Variants in TENM2 observed in about 807,000 individuals in gnomAD.
The protein encoded by TENM2 is teneurin-2.
TENM2 carries 52 observed loss-of-function variants against 245.2 expected under a neutral mutation model. The ratio of observed to expected loss-of-function variants is 0.21; its 90% CI spans 0.17 to 0.27. The LOEUF (loss-of-function observed/expected upper bound fraction) is 0.27, where lower values mean the gene tolerates loss of function less well. Ranked by LOEUF, TENM2 falls within the 10% of genes least tolerant of loss-of-function variation. The probability of loss-of-function intolerance (pLI) is 1.00; values close to 1 mark genes in which losing one functional copy is unlikely to be tolerated. For synonymous variants in TENM2, 1,363 were observed against 1,438.9 expected (o/e 0.95, Z 1.19); for missense variants, 3,046 against 3,666.8 (o/e 0.83, Z 4.37).
At chr5:167,927,326 C>T (rs1490350250) in intron 3 of TENM2, among the ~76,000 whole-genome samples, 1 of 152,136 alleles carries the variant, frequency 6.6e-6, no homozygotes, top group Admixed American at 6.5e-5. Flanking sequence ...AAGGAGCCTT[C>T]TTCTTGAATG....
At chr5:167,662,145 A>T (rs1460206484) in intron 2 of TENM2, among the ~76,000 whole-genome samples, 1 of 152,200 alleles carries the variant, frequency 6.6e-6, no homozygotes, top group Non-Finnish European at 1.5e-5. Context: ...TGGCAGACAA[A>T]ATCAACAGGT....
the TENM2 span, among the ~76,000 whole-genome samples, chr5:167,222,166 AATTTAG>A: frequency 1.1e-4 from 16 of 152,288 alleles, no homozygotes; most frequent in Middle Eastern, 3.4e-3. Flanking sequence ...CACGTGCCTT[AATTTAG>A]ATTTGTATTT....
chr5:167,338,482 A>C (rs1395378749), intron 1 of TENM2, among the ~76,000 whole-genome samples: 1 of 152,216 alleles, frequency 6.6e-6, no homozygotes, highest in African/African-American at 2.4e-5. Context: ...ATTAAAATAG[A>C]ACGTGGGGAG....
intron 12 of TENM2, among the ~76,000 whole-genome samples, chr5:168,154,417 G>A (rs1756967416): frequency 6.6e-6 from 1 of 151,932 alleles, no homozygotes; most frequent in Non-Finnish European, 1.5e-5. Context: ...AAACAACGGG[G>A]TTTCACCACG....
chr5:167,559,984 C>T (rs1773483892), intron 2 of TENM2, among the ~76,000 whole-genome samples: 1 of 152,048 alleles, frequency 6.6e-6, no homozygotes, highest in African/African-American at 2.4e-5. Flanking sequence ...CCCCACCCCT[C>T]CTCTCACCCC....
intron 2 of TENM2, among the ~76,000 whole-genome samples, chr5:167,722,021 A>G (rs894580256): frequency 1.8e-4 from 27 of 152,184 alleles, no homozygotes; most frequent in Admixed American, 1.3e-4. Context: ...AACCTCCCAA[A>G]GATGCTGAGT....
rs114473659 is a variant in TENM2 at position 168,224,002 on chromosome 5, T to C, written c.5109-2086T>C. Among the ~76,000 whole-genome samples the C allele has an allele frequency of 5.7e-3, 863 of 152,072 alleles. 6 individuals are homozygous for C. Among genetic ancestry groups the C allele is most frequent in the African/African-American group, 0.02 (824 of 41,474 alleles). On this transcript the variant is annotated intron_variant, in intron 23 of 28. Coordinates refer to ENST00000518659, the Ensembl canonical transcript of TENM2. ...ACACGTGTAGATTTGTGTATGCCAA[T>C]AAATAGAAACCCATGTTGTCGATCC...
At chr5:167,750,184 C>T (rs1235358469) in intron 2 of TENM2, among the ~76,000 whole-genome samples, 5 of 152,072 alleles carry the variant, frequency 3.3e-5, no homozygotes, top group African/African-American at 4.8e-5. Context: ...GTGTAAAGCC[C>T]ACAGTAGAGG....
At chr5:167,478,797 T>C (rs1390832421) in intron 2 of TENM2, among the ~76,000 whole-genome samples, 1 of 152,194 alleles carries the variant, frequency 6.6e-6, no homozygotes, top group East Asian at 1.9e-4. Context: ...GACTTCTCGG[T>C]TTTGCATTTT....
chr5:167,973,850 G>A (rs1299261952), intron 4 of TENM2, among the ~76,000 whole-genome samples: 1 of 152,094 alleles, frequency 6.6e-6, no homozygotes, highest in Non-Finnish European at 1.5e-5. Flanking sequence ...TCTATTCAGT[G>A]TGGGATGGGG....
In TENM2 at chr5:167,524,849, A is replaced by G. The variant is rs184983596; in HGVS notation, c.502+149376A>G. ...CATAAGAATTTTTACACGCTCACAA[A>G]TGATGGGGTAAAAAGAAATGCCAGT... On this transcript the variant is annotated intron_variant, in intron 2 of 28. Coordinates refer to ENST00000518659, the Ensembl canonical transcript of TENM2. 2.6e-3 allele frequency among the ~76,000 whole-genome samples: 396 copies of G among 151,608 alleles called. 1 individual carries two copies. Among genetic ancestry groups the G allele is most frequent in the African/African-American group, 9.2e-3 (379 of 41,376 alleles).
chr5:168,021,103 G>C (rs1424952559), intron 5 of TENM2, among the ~76,000 whole-genome samples: 4 of 152,230 alleles, frequency 2.6e-5, no homozygotes, highest in Non-Finnish European at 4.4e-5. Flanking sequence ...GCACCTACTG[G>C]TAAGCCTTGG....
chr5:167,993,064 T>C, exon 5 of TENM2: 1 of 1,614,026 alleles, frequency 6.2e-7, no homozygotes, highest in South Asian at 1.1e-5. Flanking sequence ...CCAGGAATAC[T>C]TTCTCCAGGA....
intron 3 of TENM2, chr5:167,952,368 T>G: frequency 1.7e-6 from 1 of 590,810 alleles, no homozygotes. Flanking sequence ...TTTCTCATTA[T>G]TCTTCATTTG....
intron 4 of TENM2, among the ~76,000 whole-genome samples, chr5:167,985,970 A>G (rs1045799549): frequency 1.2e-4 from 18 of 152,252 alleles, no homozygotes; most frequent in African/African-American, 4.3e-4. Flanking sequence ...CTCCTTCTGT[A>G]TCATAAGAAT....
chr5:167,660,631 G>A (rs1239382273), intron 2 of TENM2: 1 of 151,850 alleles, frequency 6.6e-6, no homozygotes, highest in Non-Finnish European at 1.5e-5. Context: ...AAAAAAAAAT[G>A]TCTTTAGCTT....
At chr5:167,543,672 T>C (rs1181285242) in intron 2 of TENM2, among the ~76,000 whole-genome samples, 3 of 152,176 alleles carry the variant, frequency 2.0e-5, no homozygotes, top group Non-Finnish European at 2.9e-5. Context: ...AGGCTGGAAG[T>C]CCAAAATCAA....
chr5:167,963,155 T>C (rs1336019326), intron 4 of TENM2, among the ~76,000 whole-genome samples: 2 of 152,164 alleles, frequency 1.3e-5, no homozygotes, highest in African/African-American at 2.4e-5. Flanking sequence ...CAAGAAAATT[T>C]TTATAGCTGA....
chr5:167,076,692 T>A, the TENM2 span, among the ~76,000 whole-genome samples: 3 of 152,178 alleles, frequency 2.0e-5, no homozygotes, highest in Non-Finnish European at 4.4e-5. Context: ...TAATATAAAA[T>A]CCATTTCCAT....
Sources: allele counts gnomAD v4.1 joint callset (sites outside exome capture counted in the v4.1 genomes callset), GRCh38; gene constraint gnomAD v4.1.1; transcripts MANE v1.5; gene names NCBI Gene and HGNC (gene_info 2026-07-23, HGNC 2026-07-21).